PPARGC1B: variants seen among roughly 807,000 people sequenced by gnomAD.
The protein encoded by PPARGC1B is peroxisome proliferator-activated receptor gamma coactivator 1-beta.
In PPARGC1B, 34 loss-of-function variants were observed where a neutral mutation model predicts 101.6. The observed-to-expected ratio is 0.33, with a 90% CI of 0.25 to 0.45. The LOEUF (loss-of-function observed/expected upper bound fraction) is 0.45, where lower values mean the gene tolerates loss of function less well. Ranked by LOEUF, PPARGC1B falls within the 20% of genes least tolerant of loss-of-function variation. The pLI is 1.00. For missense variants in PPARGC1B, 1,234 were observed against 1,317.6 expected (o/e 0.94, Z 0.98); for synonymous variants, 548 against 539.3 (o/e 1.02, Z -0.22).
At chr5:149,735,824 TTGTATAGAGA>T (rs1754683352) in intron 1 of PPARGC1B, among the ~76,000 whole-genome samples, 1 of 152,184 alleles carries the variant, frequency 6.6e-6, no homozygotes, top group Non-Finnish European at 1.5e-5. Flanking sequence ...GGCACATAGA[TTGTATAGAGA>T]GAATGCAGAG....
At chr5:149,801,353 G>T (rs1181744888) in intron 1 of PPARGC1B, among the ~76,000 whole-genome samples, 1 of 152,210 alleles carries the variant, frequency 6.6e-6, no homozygotes, top group Non-Finnish European at 1.5e-5. Flanking sequence ...TCAAAAAAAA[G>T]TTTCCTCCAG....
rs180694026 is a variant in PPARGC1B, at chr5:149,822,485, G to A, written c.252+1879G>A. Among the ~76,000 whole-genome samples, 530 of 152,302 alleles carry A rather than the reference G, an allele frequency of 3.5e-3. 5 individuals are homozygous for A. The highest frequency in any genetic ancestry group is 1.6e-3 in the Non-Finnish European group (112 of 68,038). On this transcript the variant is annotated intron_variant, in intron 2 of 11. Coordinates refer to ENST00000309241, the MANE Select transcript of PPARGC1B (RefSeq NM_133263.4). ...TGCACCCTCTGTGCATGTGACTGGG[G>A]CCTGTCCCCAGCCCCTGCTCCCTGC... is the stretch of plus-strand genomic sequence containing the variant.
Position 149,847,686 on chromosome 5 carries a change from C to T in PPARGC1B, c.*128C>T, listed in dbSNP as rs1561643153. The stretch of plus-strand genomic sequence containing the variant: ...CGTGAGAGAACACCCGTGAGAGAGA[C>T]TTGAAACTGCTGTCCTTTAAAAAAA... On this transcript the variant is annotated 3_prime_UTR_variant, in exon 12 of 12. Coordinates refer to ENST00000309241, the MANE Select transcript of PPARGC1B (RefSeq NM_133263.4). 2 of 656,122 alleles carry T rather than the reference C, an allele frequency of 3.0e-6. No homozygotes were observed. The highest frequency in any genetic ancestry group is 5.3e-6 in the Non-Finnish European group (2 of 373,880). The allele number at this position is 656,122 out of a possible 1,614,324, so 40.6% of individuals were successfully genotyped here. A position where few individuals can be genotyped will look rare whatever the true frequency, so the allele number is the denominator to read the frequency against.
chr5:149,835,414 G>A (rs368477171), intron 7 of PPARGC1B, 49 bp downstream of exon 7: 1 of 1,536,380 alleles, frequency 6.5e-7, no homozygotes, highest in South Asian at 1.1e-5. Flanking sequence ...AAACACCCGT[G>A]CATCTCTGAG....
chr5:149,821,660 C>T (rs567643113), intron 2 of PPARGC1B, among the ~76,000 whole-genome samples: 40 of 152,320 alleles, frequency 2.6e-4, no homozygotes, highest in African/African-American at 9.4e-4. Context: ...CAAGCGTCCT[C>T]TCCAAGCGTC....
intron 1 of PPARGC1B, among the ~76,000 whole-genome samples, chr5:149,738,009 G>C (rs189688271): frequency 4.5e-4 from 68 of 152,226 alleles, no homozygotes; most frequent in African/African-American, 1.6e-3. Context: ...AAAGATTGTT[G>C]TGAAGAGTCA....
At chr5:149,752,481 A>G (rs908999450) in intron 1 of PPARGC1B, among the ~76,000 whole-genome samples, 18 of 152,226 alleles carry the variant, frequency 1.2e-4, no homozygotes, top group East Asian at 1.9e-4. Context: ...GAAAGAGACA[A>G]TGAACTTGCT....
chr5:149,737,110 G>A (rs1343370105), intron 1 of PPARGC1B, among the ~76,000 whole-genome samples: 2 of 152,054 alleles, frequency 1.3e-5, no homozygotes, highest in African/African-American at 4.8e-5. Flanking sequence ...TCTTTTTACC[G>A]TTTGTACAGT....
At chr5:149,754,054 GT>G (rs1328687144) in intron 1 of PPARGC1B, among the ~76,000 whole-genome samples, 1 of 152,196 alleles carries the variant, frequency 6.6e-6, no homozygotes, top group Non-Finnish European at 1.5e-5. Flanking sequence ...AATTATATCA[GT>G]TTATGTTTCT....
rs143600339 is a variant in PPARGC1B, at chr5:149,787,864, A to G, written c.79-32569A>G. ...TAGGTTTGGTCACCTACCATCTGCA[A>G]TCAATTGGTAATGACTGTCAAAACT... is the stretch of plus-strand genomic sequence containing the variant. On this transcript the variant is annotated intron_variant, in intron 1 of 11. Coordinates refer to ENST00000309241, the MANE Select transcript of PPARGC1B (RefSeq NM_133263.4). Among the ~76,000 whole-genome samples the G allele has an allele frequency of 4.9e-3, 747 of 152,328 alleles. 8 individuals are homozygous for G. The highest frequency in any genetic ancestry group is 0.017 in the African/African-American group (722 of 41,562).
Position 149,777,922 on chromosome 5 carries a change from TCA to T in PPARGC1B, c.79-42470_79-42469del, listed in dbSNP as rs58159275. ...CCCGGCTGCTCATATCCATGTAGCA[TCA>T]CACACACACACACACACACACACAC... On this transcript the variant is annotated intron_variant, in intron 1 of 11. Coordinates refer to ENST00000309241, the MANE Select transcript of PPARGC1B (RefSeq NM_133263.4). Among the ~76,000 whole-genome samples the T allele has an allele frequency of 3.7e-3, 43 of 11,594 alleles. 4 individuals carry two copies. The highest frequency in any genetic ancestry group is 0.015 in the African/African-American group (27 of 1,862). The allele number at this position is 11,594 out of a possible 152,430, so 7.6% of individuals were successfully genotyped here. A position where few individuals can be genotyped will look rare whatever the true frequency, so the allele number is the denominator to read the frequency against.
In PPARGC1B at chr5:149,748,324, T is replaced by G. The variant is rs199782991; in HGVS notation, c.78+17904T>G. 1.3e-3 allele frequency among the ~76,000 whole-genome samples: 96 copies of G among 74,422 alleles called. No individual in the cohort carries two copies. The South Asian group carries it at 0.013, about 10-fold the overall frequency. 48.8% of individuals were successfully genotyped at this position (74,422 alleles called of 152,430 possible). A position where few individuals can be genotyped will look rare whatever the true frequency, so the allele number is the denominator to read the frequency against. On this transcript the variant is annotated intron_variant, in intron 1 of 11. Transcript: ENST00000309241. ...AGATATAGATATAGATATAGATATATCTATATATATATATCTCAGTGGGTA... is the reference window on the plus strand; with the variant it reads ...AGATATAGATATAGATATAGATATAGCTATATATATATATCTCAGTGGGTA...
At chr5:149,751,719 A>G (rs1409091869) in intron 1 of PPARGC1B, among the ~76,000 whole-genome samples, 3 of 151,982 alleles carry the variant, frequency 2.0e-5, no homozygotes, top group African/African-American at 4.8e-5. Context: ...GAAAAAAAAA[A>G]AAAGAAAAGA....
Position 149,832,740 on chromosome 5 carries a change from G to A in PPARGC1B, c.667G>A (p.Ala223Thr). ...AGAACTACATAAGCACCTCACCTCG[G>A]CACAGTGCTGCCTGCAGGATCGGGG... ...CTELHKHLTSAQCCLQDRGLQ... is the reference protein window; with the variant it reads ...CTELHKHLTSTQCCLQDRGLQ... The change falls in exon 5 of 12, where the codon GCA (alanine) becomes ACA (threonine). Residue 223 changes from alanine (A) to threonine (T), a missense_variant. Transcript: ENST00000309241. This position sits in a 1 kb window ranked among gnomAD's most constrained non-coding sequence, Gnocchi z 4.9. The A allele has an allele frequency of 1.9e-6, 3 of 1,610,126 alleles. No homozygotes were observed. The highest frequency in any genetic ancestry group is 2.2e-5 in the South Asian group (2 of 90,794).
downstream of PPARGC1B, among the ~76,000 whole-genome samples, chr5:149,855,890 G>A (rs1039686876): frequency 9.9e-5 from 15 of 152,174 alleles, no homozygotes; most frequent in African/African-American, 3.6e-4. Flanking sequence ...GCTGAGGCGG[G>A]CGGATCACCT....
intron 1 of PPARGC1B, among the ~76,000 whole-genome samples, chr5:149,759,057 ACTATTATTT>A (rs1352516747): frequency 6.6e-6 from 1 of 152,214 alleles, no homozygotes; most frequent in Non-Finnish European, 1.5e-5. Flanking sequence ...TTTAAAAGTG[ACTATTATTT>A]CTTTTTTCAC....
intron 1 of PPARGC1B, among the ~76,000 whole-genome samples, chr5:149,779,755 A>C (rs557177440): frequency 5.9e-5 from 9 of 152,190 alleles, no homozygotes; most frequent in African/African-American, 2.2e-4. Flanking sequence ...GCTGGGGAGG[A>C]AGATGTGAGA....
intron 1 of PPARGC1B, chr5:149,772,063 G>T: frequency 6.4e-7 from 1 of 1,556,320 alleles, no homozygotes; most frequent in South Asian, 1.2e-5. Flanking sequence ...TGCACAGGTG[G>T]GGACCTCTGA....
intron 1 of PPARGC1B, among the ~76,000 whole-genome samples, chr5:149,777,420 C>T (rs569769398): frequency 6.6e-5 from 10 of 152,252 alleles, no homozygotes; most frequent in African/African-American, 2.2e-4. Flanking sequence ...AAAGCCACCA[C>T]CCCCTGGGCC....
Sources: allele counts gnomAD v4.1 joint callset (sites outside exome capture counted in the v4.1 genomes callset), GRCh38; gene constraint gnomAD v4.1.1; non-coding constraint Gnocchi (gnomAD v3.1); transcripts MANE v1.5; gene names NCBI Gene and HGNC (gene_info 2026-07-23, HGNC 2026-07-21).